The following PER3 variants were observed in gnomAD, a reference collection of about 807,000 sequenced individuals.
The protein encoded by PER3 is period circadian regulator 3.
PER3 carries 107 observed loss-of-function variants against 127.2 expected under a neutral mutation model. The observed-to-expected ratio is 0.84, with a 90% CI of 0.72 to 0.99. The LOEUF (loss-of-function observed/expected upper bound fraction) is 0.99. Among genes scored for constraint, PER3 ranks in the 50% least tolerant of loss-of-function variants. The pLI is 0.00. For synonymous variants in PER3, 618 were observed against 585.8 expected (o/e 1.05, Z -0.79); for missense variants, 1,560 against 1,525.8 (o/e 1.02, Z -0.37).
chr1:7,821,924 C>T (rs2097278604), intron 16 of PER3, among the ~76,000 whole-genome samples: 1 of 152,214 alleles, frequency 6.6e-6, no homozygotes, highest in African/African-American at 2.4e-5. Flanking sequence ...GTCACAAATG[C>T]ATTTCCTTGC....
At chr1:7,800,016 G>A (rs1172469893) in intron 7 of PER3, among the ~76,000 whole-genome samples, 1 of 152,052 alleles carries the variant, frequency 6.6e-6, no homozygotes, top group Non-Finnish European at 1.5e-5. Context: ...GGGCTCTAGT[G>A]ATCCTCCTGC....
At position 7,784,669 on chromosome 1, in the gene PER3, G is replaced by A. The variant is rs2097076556; in HGVS notation, c.-209G>A. ...CTCCCCCTAGGCCGGAGTCCTGAAA[G>A]TCGAGCGAGCTCCGGGTTTTGAAAA... On this transcript the variant is annotated 5_prime_UTR_variant, in exon 2 of 22. Transcript: ENST00000377532. 2 of 480,528 alleles carry A rather than the reference G, an allele frequency of 4.2e-6. No individual in the cohort carries two copies. The highest frequency in any genetic ancestry group is 7.7e-5 in the South Asian group (2 of 25,860). The allele number at this position is 480,528 out of a possible 1,614,324, so 29.8% of individuals were successfully genotyped here. A position where few individuals can be genotyped will look rare whatever the true frequency, so the allele number is the denominator to read the frequency against.
At chr1:7,793,252 C>A (rs1009955404) in intron 5 of PER3, among the ~76,000 whole-genome samples, 114 of 152,180 alleles carry the variant, frequency 7.5e-4, no homozygotes, top group African/African-American at 2.8e-3. Context: ...TCAACAAACA[C>A]TGGGCAGAAA....
rs1396986926 is a variant in PER3, at chr1:7,826,093, G to A, written c.1958-387G>A. Among the ~76,000 whole-genome samples the A allele has an allele frequency of 1.3e-5, 2 of 152,076 alleles. No individual in the cohort carries two copies. The highest frequency in any genetic ancestry group is 1.9e-4 in the East Asian group (1 of 5,194). On this transcript the variant is annotated intron_variant, in intron 16 of 21. Coordinates refer to ENST00000377532, the MANE Select transcript of PER3 (RefSeq NM_001377275.1). The surrounding 1 kb of genome is among the most constrained non-coding windows in gnomAD (Gnocchi z 4.2). ...AATGAGAACTAGACAGAGCGTGGAC[G>A]GGGGTGAGGGGAATTTACTACATGT...
intron 21 of PER3, among the ~76,000 whole-genome samples, chr1:7,841,464 A>T (rs921830116): frequency 2.0e-5 from 3 of 152,152 alleles, no homozygotes; most frequent in Admixed American, 6.5e-5. Context: ...CTCCAGGAAT[A>T]CGTGCCTTGT....
At position 7,802,583 on chromosome 1, in the gene PER3, T is replaced by A. The variant is rs534624936; in HGVS notation, c.873-464T>A. On this transcript the variant is annotated intron_variant, in intron 8 of 21. Transcript: ENST00000377532. ...CCTGGCCTAGGTGACATTGTTTTTA[T>A]GTAATTTTAATTATGCTGTATGAAT... Among the ~76,000 whole-genome samples, 4 of 152,342 alleles carry A rather than the reference T, an allele frequency of 2.6e-5. No homozygotes were observed. In the South Asian group the frequency reaches 8.3e-4, roughly 32 times the overall value.
At chr1:7,833,908 T>C (rs1395765603) in intron 19 of PER3, among the ~76,000 whole-genome samples, 1 of 152,032 alleles carries the variant, frequency 6.6e-6, no homozygotes, top group East Asian at 1.9e-4. Flanking sequence ...ATTAACTTTT[T>C]ATTTATTTTT....
rs189355347 is a variant in PER3 at position 7,826,724 on chromosome 1, T to A, written c.2188+14T>A. ...CATATTTTCAAGGTACGTAATTTTT[T>A]AAAAATAAATGCCATTAATCTATGT... On this transcript the variant is annotated intron_variant, in intron 17 of 21. Transcript: ENST00000377532. This position sits in a 1 kb window ranked among gnomAD's most constrained non-coding sequence, Gnocchi z 4.2. The A allele has an allele frequency of 8.0e-5, 115 of 1,433,704 alleles. No individual in the cohort carries two copies. The highest frequency in any genetic ancestry group is 1.7e-4 in the Middle Eastern group (1 of 5,732). The allele number at this position is 1,433,704 out of a possible 1,614,324, so 88.8% of individuals were successfully genotyped here.
At chr1:7,836,009 C>CT (rs1014798620) in intron 20 of PER3, 64 bp downstream of exon 20, 15 of 1,208,930 alleles carry the variant, frequency 1.2e-5, no homozygotes, top group Admixed American at 6.8e-5. Flanking sequence ...TCTTTTTTTT[C>CT]TTTTTTGAGA....
At position 7,808,942 on chromosome 1, in the gene PER3, G is replaced by A. The variant is rs554885490; in HGVS notation, c.1186G>A (p.Asp396Asn). The change falls in exon 11 of 22, where the codon GAT (aspartate) becomes AAT (asparagine). Residue 396 changes from aspartate to asparagine, a missense_variant. By Grantham distance (23) the Asp-to-Asn change is conservative. Around this residue, in one of 3 missense-constraint regions of PER3, gnomAD observed 1,332 missense variants for 1,223.6 expected, o/e 1.09. Coordinates refer to ENST00000377532, the MANE Select transcript of PER3 (RefSeq NM_001377275.1). ...TGCTACCAAAATTAAAAAGATGAAC[G>A]ATAATGACAAAGACATAACAGAATT... ...VFATKIKKMN[D>N]NDKDITELQE... is the part of the protein sequence containing the mutation. 65 of 1,602,062 alleles carry A rather than the reference G, an allele frequency of 4.1e-5. No individual in the cohort carries two copies. Among genetic ancestry groups the A allele is most frequent in the South Asian group, 7.7e-5 (7 of 90,488 alleles).
At chr1:7,794,057 G>GT (rs1367590908) in intron 6 of PER3, 49 bp downstream of exon 6, 17 of 1,474,960 alleles carry the variant, frequency 1.2e-5, no homozygotes, top group Middle Eastern at 3.4e-4. Flanking sequence ...TATGTTCTGA[G>GT]TTTATTTTGC....
chr1:7,794,318 C>T (rs987143632), intron 6 of PER3, among the ~76,000 whole-genome samples: 6 of 151,988 alleles, frequency 3.9e-5, no homozygotes, highest in African/African-American at 7.3e-5. Flanking sequence ...CATGGTGAAA[C>T]GGCGTTTCTA....
At position 7,837,000 on chromosome 1, in the gene PER3, G is replaced by T. The variant is rs1277638626; in HGVS notation, c.3400G>T (p.Val1134Phe). ...ILMTYQVPERVKEVVLKEDLE... is the reference protein window; with the variant it reads ...ILMTYQVPERFKEVVLKEDLE... Reference sequence around the variant, plus strand: ...AAGATTCTGTTTGTTTGTTTTCAGGGTTAAAGAAGTTGTACTAAAAGAAGA... The same window carrying T: ...AAGATTCTGTTTGTTTGTTTTCAGGTTTAAAGAAGTTGTACTAAAAGAAGA... Residue 1134 changes from valine to phenylalanine, a missense_variant and splice_region_variant, in exon 21 of 22, where the codon GTT (valine) becomes TTT (phenylalanine). This residue lies in a region of PER3 where 199 missense variants were observed against 198.6 expected (regional missense o/e 1.00). Coordinates refer to ENST00000377532, the MANE Select transcript of PER3 (RefSeq NM_001377275.1). 6 of 1,611,934 alleles carry T rather than the reference G, an allele frequency of 3.7e-6. No individual in the cohort carries two copies. The highest frequency in any genetic ancestry group is 1.1e-5 in the South Asian group (1 of 90,846).
intron 10 of PER3, 172 bp downstream of exon 10, chr1:7,804,020 G>A (rs1485600110): frequency 3.9e-6 from 2 of 515,010 alleles, no homozygotes; most frequent in Non-Finnish European, 3.4e-6. Flanking sequence ...CTTAAAAGAA[G>A]TCATAATATC....
intron 10 of PER3, among the ~76,000 whole-genome samples, chr1:7,807,111 C>T (rs1416031806): frequency 6.6e-6 from 1 of 151,944 alleles, no homozygotes; most frequent in African/African-American, 2.4e-5. Context: ...ACTGAAGATC[C>T]AGGAGTGAAC....
chr1:7,811,242 G>A (rs1304586823), intron 13 of PER3, among the ~76,000 whole-genome samples: 2 of 152,154 alleles, frequency 1.3e-5, no homozygotes, highest in Non-Finnish European at 2.9e-5. Context: ...AGTTGTGATG[G>A]ATCTTGGTCA....
At chr1:7,835,512 G>A (rs228656) in intron 19 of PER3, among the ~76,000 whole-genome samples, 147,172 of 152,266 alleles carry the variant, frequency 0.97, 71,146 homozygotes, top group East Asian at 1. Context: ...GAGATGGAGC[G>A]GTTATGGGTG....
intron 7 of PER3, among the ~76,000 whole-genome samples, chr1:7,800,581 A>C (rs2097166363): frequency 6.6e-6 from 1 of 152,140 alleles, no homozygotes; most frequent in Non-Finnish European, 1.5e-5. Flanking sequence ...GGTACTAAAT[A>C]ACATTTGTAG....
chr1:7,803,646 T>C (rs1467889699), intron 9 of PER3, 46 bp from the exon 10 acceptor site: 1 of 1,199,176 alleles, frequency 8.3e-7, no homozygotes, highest in Non-Finnish European at 1.2e-6. Flanking sequence ...TTGTAATCAG[T>C]ATCTGTGTTA....
Sources: gnomAD v4.1 joint callset for allele counts (sites outside exome capture counted in the v4.1 genomes callset) on GRCh38, gnomAD v4.1.1 for gene constraint, gnomAD v4.1.1 regional missense constraint, Gnocchi (gnomAD v3.1) non-coding constraint, MANE v1.5 for transcripts, NCBI Gene and HGNC (gene_info 2026-07-23, HGNC 2026-07-21) for gene names.